Variants in ADH7 observed in about 807,000 individuals in gnomAD.
ADH7 encodes the protein all-trans-retinol dehydrogenase [NAD(+)] ADH7.
ADH7 carries 41 observed loss-of-function variants against 34.4 expected under a neutral mutation model. That is an observed-to-expected ratio of 1.19 (90% CI 0.93 to 1.55). The LOEUF is 1.55. Ranked by LOEUF, ADH7 falls within the 40% of genes most tolerant of loss-of-function variation. The pLI is 0.00. For missense variants in ADH7, 540 were observed against 461.2 expected, an observed-to-expected ratio of 1.17 and a Z score of -1.56; for synonymous variants, 180 against 160.9, an observed-to-expected ratio of 1.12 and a Z score of -0.90.
At chr4:99,422,719 G>T (rs971502531) in intron 5 of ADH7, among the ~76,000 whole-genome samples, 108 of 151,508 alleles carry the variant, frequency 7.1e-4, no homozygotes, top group African/African-American at 2.5e-3. Context: ...AGATGTGGAA[G>T]AAACAAAAAT....
chr4:99,419,231 C>A, intron 6 of ADH7, 110 bp from the exon 7 acceptor site: 2 of 1,335,448 alleles, frequency 1.5e-6, no homozygotes, highest in Non-Finnish European at 2.0e-6. Flanking sequence ...AATTAAGCCA[C>A]CTTGTTTTTT....
chr4:99,430,629 G>T (rs1487988171), intron 1 of ADH7, among the ~76,000 whole-genome samples: 2 of 152,086 alleles, frequency 1.3e-5, no homozygotes, highest in African/African-American at 4.8e-5. Context: ...TGATACACTG[G>T]TAACAGATGG....
intron 1 of ADH7, among the ~76,000 whole-genome samples, 181 bp from the exon 2 acceptor site, chr4:99,429,814 A>G (rs1721899595): frequency 6.6e-6 from 1 of 152,180 alleles, no homozygotes; most frequent in Non-Finnish European, 1.5e-5. Context: ...TGCTTAAGGC[A>G]TGAGAAATGC....
intron 5 of ADH7, among the ~76,000 whole-genome samples, chr4:99,427,017 A>G (rs1455848851): frequency 6.6e-6 from 1 of 152,222 alleles, no homozygotes; most frequent in Non-Finnish European, 1.5e-5. Flanking sequence ...ACAATGCTTC[A>G]TGCTAAAAAC....
chr4:99,426,410 C>T (rs1721806147), intron 5 of ADH7, among the ~76,000 whole-genome samples: 1 of 152,052 alleles, frequency 6.6e-6, no homozygotes, highest in Non-Finnish European at 1.5e-5. Flanking sequence ...TACAAACTAC[C>T]ATCAGAGAAT....
intron 8 of ADH7, among the ~76,000 whole-genome samples, chr4:99,413,805 G>C (rs1363510508): frequency 6.6e-6 from 1 of 152,178 alleles, no homozygotes; most frequent in Admixed American, 6.6e-5. Flanking sequence ...TGAGATGAGG[G>C]ATTCTGAAGG....
intron 5 of ADH7, among the ~76,000 whole-genome samples, chr4:99,422,178 A>T (rs1314234737): frequency 2.0e-5 from 3 of 152,256 alleles, no homozygotes; most frequent in African/African-American, 7.2e-5. Context: ...AATATAAATC[A>T]TTCCACTGCA....
At chr4:99,417,415 T>C (rs1380704936) in intron 7 of ADH7, among the ~76,000 whole-genome samples, 1 of 152,152 alleles carries the variant, frequency 6.6e-6, no homozygotes, top group Non-Finnish European at 1.5e-5. Flanking sequence ...GAATATTCTT[T>C]CCCAAGATTT....
At chr4:99,419,877 C>T (rs1448876439) in intron 6 of ADH7, among the ~76,000 whole-genome samples, 1 of 152,152 alleles carries the variant, frequency 6.6e-6, no homozygotes, top group African/African-American at 2.4e-5. Flanking sequence ...AGTTAATCTG[C>T]CACTCAATCT....
At chr4:99,417,597 C>G (rs1357636312) in intron 7 of ADH7, among the ~76,000 whole-genome samples, 1 of 152,102 alleles carries the variant, frequency 6.6e-6, no homozygotes, top group Non-Finnish European at 1.5e-5. Context: ...ATTCTGCATT[C>G]ATTTATTTAT....
chr4:99,428,102 A>G lies in ADH7; in HGVS notation c.332T>C (p.Leu111Pro). The change falls in exon 4 of 9, where the codon CTT (leucine) becomes CCT (proline). Residue 111 changes from leucine to proline, a missense_variant. Coordinates refer to ENST00000437033, the MANE Select transcript of ADH7 (RefSeq NM_000673.7). ...CNACRNPDGNLCIRSDITGRG... is the reference protein window; with the variant it reads ...CNACRNPDGNPCIRSDITGRG... Reference sequence around the variant, plus strand: ...TGAAACCTACTCGCTCCTAATGCAAAGGTTGCCATCTGGGTTGCGACAAGC... The same window carrying G: ...TGAAACCTACTCGCTCCTAATGCAAGGGTTGCCATCTGGGTTGCGACAAGC... The G allele has an allele frequency of 6.2e-7, 1 of 1,614,004 alleles. No homozygotes were observed. Among genetic ancestry groups the G allele is most frequent in the Non-Finnish European group, 8.5e-7 (1 of 1,179,896 alleles).
At chr4:99,432,519 G>A (rs1236428940) in intron 1 of ADH7, 1 of 152,126 alleles carries the variant, frequency 6.6e-6, no homozygotes, top group Admixed American at 6.6e-5. Flanking sequence ...AAAATTTTGT[G>A]TGTTGAGAAA....
chr4:99,415,420 A>G (rs1236054004), intron 8 of ADH7, 58 bp downstream of exon 8: 3 of 1,528,048 alleles, frequency 2.0e-6, no homozygotes, highest in Middle Eastern at 3.4e-4. Context: ...ATTTATAAGT[A>G]CTAAATTTTA....
chr4:99,418,428 G>A (rs192949517), intron 7 of ADH7, among the ~76,000 whole-genome samples: 12 of 152,130 alleles, frequency 7.9e-5, no homozygotes, highest in Non-Finnish European at 1.5e-4. Flanking sequence ...ACTTTGTGAA[G>A]GAGGGAAAAA....
At chr4:99,417,242 T>A (rs1205038851) in intron 7 of ADH7, among the ~76,000 whole-genome samples, 1 of 152,058 alleles carries the variant, frequency 6.6e-6, no homozygotes, top group African/African-American at 2.4e-5. Flanking sequence ...CAGAATAAAC[T>A]CCTAAAACCT....
chr4:99,423,608 T>C (rs890864592), intron 5 of ADH7, among the ~76,000 whole-genome samples: 3 of 152,172 alleles, frequency 2.0e-5, no homozygotes, highest in African/African-American at 7.2e-5. Flanking sequence ...TGGTTTTGAT[T>C]TGCATTTCTC....
chr4:99,415,347 A>G (rs1290961817), intron 8 of ADH7, 131 bp downstream of exon 8: 3 of 987,682 alleles, frequency 3.0e-6, no homozygotes, highest in Non-Finnish European at 4.6e-6. Flanking sequence ...AAAGAGAAGT[A>G]ATTAGCTGTA....
intron 5 of ADH7, among the ~76,000 whole-genome samples, chr4:99,427,363 T>C (rs991732771): frequency 6.6e-6 from 1 of 152,198 alleles, no homozygotes; most frequent in Non-Finnish European, 1.5e-5. Flanking sequence ...GAGAAGTTGG[T>C]AATGTACTTA....
At chr4:99,426,447 C>T (rs1721807005) in intron 5 of ADH7, among the ~76,000 whole-genome samples, 1 of 152,280 alleles carries the variant, frequency 6.6e-6, no homozygotes, top group South Asian at 2.1e-4. Flanking sequence ...CGCAAATAAA[C>T]TAGAAAATCT....
Sources: allele counts gnomAD v4.1 joint callset (sites outside exome capture counted in the v4.1 genomes callset), GRCh38; gene constraint gnomAD v4.1.1; transcripts MANE v1.5; gene names NCBI Gene and HGNC (gene_info 2026-07-23, HGNC 2026-07-21).